Variants in COL4A3 observed in about 807,000 individuals in gnomAD.
The protein encoded by COL4A3 is collagen alpha-3(IV) chain.
Under a neutral mutation model 217.4 loss-of-function variants are expected in COL4A3, and 135 were observed. That is an observed-to-expected ratio of 0.62 (90% CI 0.54 to 0.72). The LOEUF is 0.72. Among genes scored for constraint, COL4A3 ranks in the 30% least tolerant of loss-of-function variants. The pLI is 0.00. For synonymous variants in COL4A3, 690 were observed against 736.3 expected, an observed-to-expected ratio of 0.94 and a Z score of 1.02; for missense variants, 1,868 against 2,119.9, an observed-to-expected ratio of 0.88 and a Z score of 2.33.
intron 20 of COL4A3, among the ~76,000 whole-genome samples, chr2:227,262,128 T>C (rs1023333860): frequency 2.6e-5 from 4 of 152,082 alleles, no homozygotes; most frequent in African/African-American, 9.7e-5. Context: ...ATTTCACTAT[T>C]AAAAAAATAG....
At position 227,187,925 on chromosome 2, in the gene COL4A3, C is replaced by T. The variant is rs533691612; in HGVS notation, c.87+23112C>T. Among the ~76,000 whole-genome samples the T allele has an allele frequency of 9.1e-4, 139 of 152,240 alleles. 1 individual carries two copies. The highest frequency in any genetic ancestry group is 6.2e-3 in the Admixed American group (95 of 15,292). On this transcript the variant is annotated intron_variant, in intron 1 of 51. Coordinates refer to ENST00000396578, the MANE Select transcript of COL4A3 (RefSeq NM_000091.5). ...CCAGCTGATCACTTCATGTTTGTCTCGATAGAGCTGTTGAGTCAGGGCATA... is the reference window on the plus strand; with the variant it reads ...CCAGCTGATCACTTCATGTTTGTCTTGATAGAGCTGTTGAGTCAGGGCATA...
chr2:227,282,275 AATATATATAT>A lies in COL4A3; in HGVS notation c.2489-73_2489-64del, dbSNP rs72371878. The A allele has an allele frequency of 1.7e-4, 60 of 354,416 alleles. No homozygotes were observed. Among genetic ancestry groups the A allele is most frequent in the Middle Eastern group, 9.7e-4 (1 of 1,028 alleles). 22.0% of individuals were successfully genotyped at this position (354,416 alleles called of 1,614,324 possible). ...AGACAGAGGGAGATTCCATCTTAAA[AATATATATAT>A]ATATATATATATATATTTCTGAAGT... On this transcript the variant is annotated intron_variant, in intron 31 of 51. Coordinates refer to ENST00000396578, the MANE Select transcript of COL4A3 (RefSeq NM_000091.5). This position sits in a 1 kb window ranked among gnomAD's most constrained non-coding sequence, Gnocchi z 4.4.
chr2:227,202,744 AAAAT>A (rs1193049786), intron 1 of COL4A3, among the ~76,000 whole-genome samples: 1,372 of 66,776 alleles, frequency 0.021, 95 homozygotes, highest in African/African-American at 0.034. Flanking sequence ...CTAAAAAAAA[AAAAT>A]ATATATATAT....
intron 37 of COL4A3, among the ~76,000 whole-genome samples, chr2:227,291,562 C>CAAAAAAAAAAAAAATAAA (rs2072721660): frequency 2.9e-5 from 1 of 34,416 alleles, no homozygotes; most frequent in African/African-American, 1.8e-4. Flanking sequence ...GACTCCGTCT[C>CAAAAAAAAAAAAAATAAA]AAAAAAAAAA....
At chr2:227,260,428 T>G (rs375801080) in intron 19 of COL4A3, among the ~76,000 whole-genome samples, 1 of 152,194 alleles carries the variant, frequency 6.6e-6, no homozygotes, top group East Asian at 1.9e-4. Context: ...ACCCTGTGAT[T>G]CTGATTTCAT....
chr2:227,201,091 C>T (rs2066667761), intron 1 of COL4A3, among the ~76,000 whole-genome samples: 1 of 148,076 alleles, frequency 6.8e-6, no homozygotes. Flanking sequence ...TTAACAAATA[C>T]ATTTATTCTT....
At chr2:227,268,362 C>T (rs1329563089) in intron 23 of COL4A3, 1 of 152,360 alleles carries the variant, frequency 6.6e-6, no homozygotes, top group Non-Finnish European at 1.5e-5. Context: ...CCCTCCACGC[C>T]TGCATCCCCT....
At chr2:227,304,434 A>C in intron 46 of COL4A3, 1 of 376,982 alleles carries the variant, frequency 2.7e-6, no homozygotes, top group South Asian at 2.8e-5. Flanking sequence ...CTCCTCTGAC[A>C]ACTGTCAGTC....
At position 227,253,777 on chromosome 2, in the gene COL4A3, G is replaced by T; in HGVS notation, c.765+139G>T. The T allele has an allele frequency of 1.2e-6, 1 of 805,826 alleles. No individual in the cohort carries two copies. 49.9% of individuals were successfully genotyped at this position (805,826 alleles called of 1,614,324 possible). A position where few individuals can be genotyped will look rare whatever the true frequency, so the allele number is the denominator to read the frequency against. ...TCCCTCAGCCAGCCAGAACCTCCAG[G>T]ATTGATTCCTTCCCGTCCTTTACTC... is the stretch of plus-strand genomic sequence containing the variant. On this transcript the variant is annotated intron_variant, in intron 13 of 51. Transcript: ENST00000396578. The surrounding 1 kb of genome is among the most constrained non-coding windows in gnomAD (Gnocchi z 4.4).
intron 33 of COL4A3, 100 bp downstream of exon 33, chr2:227,283,956 C>A: frequency 1.8e-6 from 2 of 1,128,852 alleles, no homozygotes; most frequent in East Asian, 2.4e-5. Flanking sequence ...AAAAATAGTT[C>A]TGAGAGAGCA....
At chr2:227,294,617 AT>A in intron 39 of COL4A3, 47 bp downstream of exon 39, 1 of 1,322,750 alleles carries the variant, frequency 7.6e-7, no homozygotes, top group Non-Finnish European at 1.1e-6. Flanking sequence ...TGGGAGACAC[AT>A]TTTCTCCTGA....
intron 1 of COL4A3, among the ~76,000 whole-genome samples, chr2:227,180,396 G>A (rs1458614683): frequency 2.6e-5 from 4 of 152,176 alleles, no homozygotes; most frequent in African/African-American, 9.7e-5. Flanking sequence ...CTGTGCCCAC[G>A]AAACCGTTCA....
rs1357924324 is a variant in COL4A3 at position 227,253,234 on chromosome 2, G to C, written c.646-62G>C. 7.4e-7 allele frequency: 1 copy of C among 1,359,758 alleles called. No homozygotes were observed. Among genetic ancestry groups the C allele is most frequent in the African/African-American group, 1.4e-5 (1 of 69,258 alleles). The allele number at this position is 1,359,758 out of a possible 1,614,324, so 84.2% of individuals were successfully genotyped here. On this transcript the variant is annotated intron_variant, in intron 11 of 51. Coordinates refer to ENST00000396578, the MANE Select transcript of COL4A3 (RefSeq NM_000091.5). The surrounding 1 kb of genome is among the most constrained non-coding windows in gnomAD (Gnocchi z 4.4). ...CCTTACAAATATTGGAACTTTGATG[G>C]GTTTAGACTATTTATTCATATTTAT...
In COL4A3 at chr2:227,280,597, T is replaced by C. The variant is rs1439996204; in HGVS notation, c.2374+7T>C. The C allele has an allele frequency of 3.7e-6, 6 of 1,613,826 alleles. No homozygotes were observed. The highest frequency in any genetic ancestry group is 2.7e-5 in the African/African-American group (2 of 74,908). ...GGGCTTGATGGACCACGAGGTACAATAGCAAGTGTCATTACTTTTCTCCAC... is the reference window on the plus strand; with the variant it reads ...GGGCTTGATGGACCACGAGGTACAACAGCAAGTGTCATTACTTTTCTCCAC... On this transcript the variant is annotated splice_region_variant and intron_variant, in intron 30 of 51. Transcript: ENST00000396578.
chr2:227,267,228 A>G (rs2070954469), intron 23 of COL4A3, 140 bp downstream of exon 23: 2 of 711,208 alleles, frequency 2.8e-6, no homozygotes, highest in East Asian at 5.5e-5. Flanking sequence ...CATATATTCT[A>G]TTAACATAAA....
Position 227,308,909 on chromosome 2 carries a change from C to A in COL4A3, c.4473C>A (p.Gly1491=). The A allele has an allele frequency of 1.2e-6, 2 of 1,613,918 alleles. No homozygotes were observed. The highest frequency in any genetic ancestry group is 8.5e-7 in the Non-Finnish European group (1 of 1,180,008). Residue 1491 remains glycine, a synonymous_variant, in exon 49 of 52, where the codon GGC becomes GGA. Transcript: ENST00000396578. The part of the protein sequence containing the change: ...RAHGQDLGTL[G]SCLQRFTTMP... Reference sequence around the variant, plus strand: ...CTGATGTTTCATTAGGAACTCTTGGCAGCTGCCTGCAGCGATTTACCACAA... The same window carrying A: ...CTGATGTTTCATTAGGAACTCTTGGAAGCTGCCTGCAGCGATTTACCACAA...
chr2:227,306,876 G>T (rs2073525700), intron 47 of COL4A3, among the ~76,000 whole-genome samples: 1 of 152,106 alleles, frequency 6.6e-6, no homozygotes, highest in Non-Finnish European at 1.5e-5. Flanking sequence ...GGTTGGGGAG[G>T]GAGTCAGCGT....
intron 42 of COL4A3, 143 bp downstream of exon 42, chr2:227,298,002 C>T: frequency 1.0e-6 from 1 of 963,040 alleles, no homozygotes; most frequent in Non-Finnish European, 1.6e-6. Flanking sequence ...GGTTCCCATA[C>T]CCAGCAGTTG....
At chr2:227,257,303 G>A (rs2070244026) in intron 17 of COL4A3, among the ~76,000 whole-genome samples, 1 of 152,190 alleles carries the variant, frequency 6.6e-6, no homozygotes, top group South Asian at 2.1e-4. Context: ...CCTCTGACCT[G>A]GGTGAGAACA....
Sources: gnomAD v4.1 joint callset for allele counts (sites outside exome capture counted in the v4.1 genomes callset) on GRCh38, gnomAD v4.1.1 for gene constraint, Gnocchi (gnomAD v3.1) non-coding constraint, MANE v1.5 for transcripts, NCBI Gene and HGNC (gene_info 2026-07-23, HGNC 2026-07-21) for gene names.